KSR2: variants seen among roughly 807,000 people sequenced by gnomAD.
KSR2 encodes kinase suppressor of ras 2.
KSR2 carries 25 observed loss-of-function variants against 107.8 expected under a neutral mutation model. The ratio of observed to expected loss-of-function variants is 0.23; its 90% CI spans 0.17 to 0.32. KSR2 has a LOEUF of 0.32. Ranked by LOEUF, KSR2 falls within the 10% of genes least tolerant of loss-of-function variation. The pLI is 1.00. For missense variants in KSR2, 887 were observed against 1,268.9 expected, an observed-to-expected ratio of 0.70 and a Z score of 4.57; for synonymous variants, 480 against 507.0, an observed-to-expected ratio of 0.95 and a Z score of 0.71.
At chr12:117,622,288 C>A (rs192688742) in intron 5 of KSR2, among the ~76,000 whole-genome samples, 16 of 152,164 alleles carry the variant, frequency 1.1e-4, no homozygotes, top group Non-Finnish European at 1.9e-4. Flanking sequence ...TCATTTCCTG[C>A]ATCTTATTTT....
At chr12:117,695,209 G>A (rs1886003256) in intron 4 of KSR2, among the ~76,000 whole-genome samples, 1 of 152,098 alleles carries the variant, frequency 6.6e-6, no homozygotes. Context: ...AGAAAATAGA[G>A]TGATGGTTGG....
intron 5 of KSR2, among the ~76,000 whole-genome samples, chr12:117,642,799 A>G (rs1332016428): frequency 6.6e-6 from 1 of 152,178 alleles, no homozygotes; most frequent in African/African-American, 2.4e-5. Flanking sequence ...CATTTATAAC[A>G]TTCAAAGAAA....
chr12:117,510,015 G>A (rs1873931458), intron 14 of KSR2, among the ~76,000 whole-genome samples: 1 of 152,162 alleles, frequency 6.6e-6, no homozygotes, highest in African/African-American at 2.4e-5. Flanking sequence ...CACTTCCCTG[G>A]AGACTACAGA....
chr12:117,649,843 A>G (rs1198364434), intron 5 of KSR2, among the ~76,000 whole-genome samples: 1 of 152,174 alleles, frequency 6.6e-6, no homozygotes, highest in Admixed American at 6.5e-5. Context: ...GAGAACTGAA[A>G]TGGTTTTCTG....
intron 4 of KSR2, among the ~76,000 whole-genome samples, chr12:117,704,102 G>C (rs1430847825): frequency 6.6e-6 from 1 of 151,968 alleles, no homozygotes; most frequent in African/African-American, 2.4e-5. Context: ...AAATTGGGGA[G>C]GGCATTTCAT....
chr12:117,573,390 G>A (rs1879031855), intron 7 of KSR2, among the ~76,000 whole-genome samples: 2 of 152,082 alleles, frequency 1.3e-5, no homozygotes, highest in South Asian at 4.2e-4. Flanking sequence ...AAGCAATCTA[G>A]TAAGGTGGAT....
Position 117,462,210 on chromosome 12 carries a change from G to A in KSR2, c.*4989C>T, listed in dbSNP as rs1870931167. 7.3e-6 allele frequency: 1 copy of A among 136,754 alleles called. No homozygotes were observed. The highest frequency in any genetic ancestry group is 1.5e-5 in the Non-Finnish European group (1 of 65,828). 8.5% of individuals were successfully genotyped at this position (136,754 alleles called of 1,614,324 possible). A position where few individuals can be genotyped will look rare whatever the true frequency, so the allele number is the denominator to read the frequency against. Reference sequence around the variant, plus strand: ...AGGCACAAGAGAAAATGTCTTAGAGGGTGTTATAAGTTGTGGTGTCCCCAA... The same window carrying A: ...AGGCACAAGAGAAAATGTCTTAGAGAGTGTTATAAGTTGTGGTGTCCCCAA... On this transcript the variant is annotated 3_prime_UTR_variant, in exon 20 of 20. Coordinates refer to ENST00000339824, the MANE Select transcript of KSR2 (RefSeq NM_173598.6).
chr12:117,701,041 T>A (rs1886285440), intron 4 of KSR2, among the ~76,000 whole-genome samples: 1 of 152,208 alleles, frequency 6.6e-6, no homozygotes, highest in Admixed American at 6.5e-5. Context: ...ACCTGACTGC[T>A]CATCCATCCT....
chr12:117,926,757 C>A (rs1225615209), intron 1 of KSR2, among the ~76,000 whole-genome samples: 1 of 152,204 alleles, frequency 6.6e-6, no homozygotes, highest in Non-Finnish European at 1.5e-5. Flanking sequence ...TAAAACTCTC[C>A]AAGGGTGGCC....
intron 1 of KSR2, among the ~76,000 whole-genome samples, chr12:117,962,841 A>C (rs117365375): frequency 0.08 from 12,162 of 152,142 alleles, 607 homozygotes; most frequent in Admixed American, 0.12. Context: ...ACATGCAAAA[A>C]GTATATCAAT....
chr12:117,909,489 G>A (rs942761422), intron 1 of KSR2, among the ~76,000 whole-genome samples: 1 of 152,182 alleles, frequency 6.6e-6, no homozygotes, highest in African/African-American at 2.4e-5. Context: ...ACCGAAGTGT[G>A]GTATGTGTAT....
intron 4 of KSR2, among the ~76,000 whole-genome samples, chr12:117,739,804 C>A (rs1298034091): frequency 6.6e-6 from 1 of 151,724 alleles, no homozygotes; most frequent in Non-Finnish European, 1.5e-5. Context: ...ATAGACCTCC[C>A]AATCTCAGCC....
chr12:117,648,361 C>T (rs16947840), intron 5 of KSR2, among the ~76,000 whole-genome samples: 4,706 of 152,160 alleles, frequency 0.031, 243 homozygotes, highest in African/African-American at 0.11. Context: ...CACCATTGTC[C>T]GACACCAACT....
chr12:117,869,228 T>C (rs1019363231), intron 1 of KSR2, among the ~76,000 whole-genome samples: 7 of 151,982 alleles, frequency 4.6e-5, no homozygotes, highest in South Asian at 4.1e-4. Flanking sequence ...AAAAATTAGA[T>C]GGGTGTGGTG....
At chr12:117,518,920 C>T (rs1282675626) in intron 14 of KSR2, among the ~76,000 whole-genome samples, 7 of 152,234 alleles carry the variant, frequency 4.6e-5, no homozygotes, top group Non-Finnish European at 8.8e-5. Context: ...GCCCTCCCAT[C>T]ACTCTGACCC....
intron 5 of KSR2, among the ~76,000 whole-genome samples, chr12:117,658,314 G>A (rs1884273099): frequency 6.6e-6 from 1 of 152,214 alleles, no homozygotes; most frequent in South Asian, 2.1e-4. Flanking sequence ...GGTCAAAGTG[G>A]ATACAGGACG....
Position 117,485,581 on chromosome 12 carries a change from A to G in KSR2, c.2316+14T>C, listed in dbSNP as rs187061527. On this transcript the variant is annotated intron_variant, in intron 15 of 19. Coordinates refer to ENST00000339824, the MANE Select transcript of KSR2 (RefSeq NM_173598.6). ...TTCTGAGATTTAGATAGGAGGCCCA[A>G]GAGCCGACAGTACCTTCACAATTTC... 293 of 1,609,314 alleles carry G rather than the reference A, an allele frequency of 1.8e-4. 1 individual carries two copies. In the African/African-American group the frequency reaches 3.5e-3, roughly 19 times the overall value.
chr12:117,681,839 C>A (rs1885376352), intron 4 of KSR2, among the ~76,000 whole-genome samples: 1 of 152,098 alleles, frequency 6.6e-6, no homozygotes, highest in African/African-American at 2.4e-5. Context: ...ATTAATTAAA[C>A]CGTTGGGGAA....
intron 5 of KSR2, among the ~76,000 whole-genome samples, chr12:117,599,329 A>G (rs1778680944): frequency 6.6e-6 from 1 of 152,136 alleles, no homozygotes; most frequent in Admixed American, 6.5e-5. Flanking sequence ...TGGTTCCCAA[A>G]CTTCACGCAT....
Sources: gnomAD v4.1 joint callset for allele counts (sites outside exome capture counted in the v4.1 genomes callset) on GRCh38, gnomAD v4.1.1 for gene constraint, MANE v1.5 for transcripts, NCBI Gene and HGNC (gene_info 2026-07-23, HGNC 2026-07-21) for gene names.